The following CACNA2D1 variants were observed in gnomAD, a reference collection of about 807,000 sequenced individuals.
CACNA2D1 encodes the protein calcium voltage-gated channel auxiliary subunit alpha2delta 1.
CACNA2D1 carries 53 observed loss-of-function variants against 171.5 expected under a neutral mutation model. The ratio of observed to expected loss-of-function variants is 0.31; its 90% CI spans 0.25 to 0.39. The LOEUF (loss-of-function observed/expected upper bound fraction) is 0.39. Ranked by LOEUF, CACNA2D1 falls within the 10% of genes least tolerant of loss-of-function variation. The probability of loss-of-function intolerance (pLI) is 1.00; values close to 1 mark genes in which losing one functional copy is unlikely to be tolerated. For synonymous variants in CACNA2D1, 442 were observed against 443.1 expected, an observed-to-expected ratio of 1.00 and a Z score of 0.03; for missense variants, 903 against 1,299.8, an observed-to-expected ratio of 0.69 and a Z score of 4.69.
chr7:82,139,670 GT>G (rs1462356295), intron 4 of CACNA2D1, among the ~76,000 whole-genome samples: 9 of 152,000 alleles, frequency 5.9e-5, no homozygotes, highest in African/African-American at 2.2e-4. Context: ...CAAACGCTGA[GT>G]TTTTAAGTAA....
chr7:82,239,144 G>GA (rs1393277317), intron 3 of CACNA2D1, among the ~76,000 whole-genome samples: 5 of 151,774 alleles, frequency 3.3e-5, no homozygotes, highest in African/African-American at 1.2e-4. Flanking sequence ...ATATCTTTAA[G>GA]AAAAACAGAA....
intron 27 of CACNA2D1, 63 bp from the exon 28 acceptor site, chr7:81,970,047 T>G (rs145421326): frequency 1.0e-6 from 1 of 980,360 alleles, no homozygotes; most frequent in Non-Finnish European, 1.7e-6. Context: ...CTTTATCCTA[T>G]GTGGACTTGC....
chr7:82,055,694 A>T lies in CACNA2D1; in HGVS notation c.879+4734T>A, dbSNP rs1179679023. Among the ~76,000 whole-genome samples the T allele has an allele frequency of 1.1e-4, 16 of 141,232 alleles. No individual in the cohort carries two copies. In the Admixed American group the frequency reaches 1.2e-3, roughly 11 times the overall value. The allele number at this position is 141,232 out of a possible 152,430, so 92.7% of individuals were successfully genotyped here. A position where few individuals can be genotyped will look rare whatever the true frequency, so the allele number is the denominator to read the frequency against. On this transcript the variant is annotated intron_variant, in intron 10 of 38. Coordinates refer to ENST00000356860, the MANE Select transcript of CACNA2D1 (RefSeq NM_000722.4). ...AACCAAACACTGCATGTTCTCACTC[A>T]TAGGTGGGAATTGAACAATGAGAAC...
chr7:82,091,506 G>A (rs984343222), intron 6 of CACNA2D1, among the ~76,000 whole-genome samples: 1 of 152,164 alleles, frequency 6.6e-6, no homozygotes, highest in African/African-American at 2.4e-5. Flanking sequence ...AAATCTGCAC[G>A]CTGTGGAGCA....
At chr7:82,263,992 G>A (rs1044609956) in intron 3 of CACNA2D1, among the ~76,000 whole-genome samples, 7 of 151,726 alleles carry the variant, frequency 4.6e-5, no homozygotes, top group Non-Finnish European at 1.0e-4. Flanking sequence ...TGATTATGTA[G>A]GCCGTCACCG....
At chr7:82,355,630 C>T (rs1820332600) in intron 1 of CACNA2D1, among the ~76,000 whole-genome samples, 1 of 152,038 alleles carries the variant, frequency 6.6e-6, no homozygotes, top group African/African-American at 2.4e-5. Flanking sequence ...TGCTCCACTG[C>T]CCTCTTGAGA....
chr7:82,095,824 A>T (rs1412858897), intron 6 of CACNA2D1, among the ~76,000 whole-genome samples: 2 of 152,178 alleles, frequency 1.3e-5, no homozygotes, highest in African/African-American at 4.8e-5. Flanking sequence ...GTGGATGGGT[A>T]TCATCTGAAT....
intron 37 of CACNA2D1, among the ~76,000 whole-genome samples, 166 bp from the exon 38 acceptor site, chr7:81,959,523 TTATCCTTTTCTGGG>T (rs1489905582): frequency 2.6e-5 from 4 of 152,102 alleles, no homozygotes; most frequent in African/African-American, 9.7e-5. Context: ...AAATTGTGAA[TTATCCTTTTCTGGG>T]GCATGTGTAG....
At chr7:82,289,141 G>T (rs992559562) in intron 3 of CACNA2D1, among the ~76,000 whole-genome samples, 1 of 152,058 alleles carries the variant, frequency 6.6e-6, no homozygotes, top group Admixed American at 6.6e-5. Flanking sequence ...TGTTTATGGT[G>T]AATTGAAAGT....
chr7:82,329,632 G>A (rs1402779283), intron 3 of CACNA2D1, among the ~76,000 whole-genome samples: 1 of 152,104 alleles, frequency 6.6e-6, no homozygotes, highest in Non-Finnish European at 1.5e-5. Flanking sequence ...TGAAATGTAT[G>A]TTCATAATAA....
chr7:82,162,110 A>C (rs973362075), intron 4 of CACNA2D1, among the ~76,000 whole-genome samples: 6 of 152,070 alleles, frequency 3.9e-5, no homozygotes, highest in African/African-American at 9.7e-5. Flanking sequence ...ATTTGATGAC[A>C]TAGAGGTAGT....
At chr7:81,997,298 A>G (rs748645598) in intron 18 of CACNA2D1, 48 bp from the exon 19 acceptor site, 1 of 1,168,208 alleles carries the variant, frequency 8.6e-7, no homozygotes, top group South Asian at 1.2e-5. Flanking sequence ...TTATACAATG[A>G]TGCTGTGTAT....
intron 3 of CACNA2D1, among the ~76,000 whole-genome samples, chr7:82,261,694 C>G (rs1170578875): frequency 6.6e-6 from 1 of 152,016 alleles, no homozygotes; most frequent in Non-Finnish European, 1.5e-5. Context: ...AAAAAATTTT[C>G]ATTCTAAGTG....
At chr7:81,959,441 A>G in intron 37 of CACNA2D1, 84 bp from the exon 38 acceptor site, 1 of 946,664 alleles carries the variant, frequency 1.1e-6, no homozygotes, top group Admixed American at 1.8e-5. Flanking sequence ...TTCCCAAAAC[A>G]TGTGAGAGAG....
At chr7:82,119,079 G>T (rs1333405504) in intron 5 of CACNA2D1, among the ~76,000 whole-genome samples, 2 of 152,002 alleles carry the variant, frequency 1.3e-5, no homozygotes, top group African/African-American at 4.8e-5. Flanking sequence ...TATGAAAAAG[G>T]CTACTTAACA....
chr7:82,275,735 T>G (rs552894312), intron 3 of CACNA2D1, among the ~76,000 whole-genome samples: 229 of 152,180 alleles, frequency 1.5e-3, no homozygotes, highest in Middle Eastern at 3.4e-3. Context: ...ATCAAAACAT[T>G]TATCTTATAA....
chr7:82,437,646 C>T lies in CACNA2D1; in HGVS notation c.95+5719G>A, dbSNP rs544526227. 6.6e-5 allele frequency among the ~76,000 whole-genome samples: 10 copies of T among 152,142 alleles called. No homozygotes were observed. The East Asian group carries it at 1.7e-3, about 26-fold the overall frequency. The stretch of plus-strand genomic sequence containing the variant: ...TTGAAATTAACTATAAAAAGTGTGC[C>T]GGTTTGTTGAGGCCACAAAGTCAAT... On this transcript the variant is annotated intron_variant, in intron 1 of 38. Transcript: ENST00000356860.
intron 3 of CACNA2D1, among the ~76,000 whole-genome samples, chr7:82,252,004 T>C (rs1805705541): frequency 6.6e-6 from 1 of 152,214 alleles, no homozygotes; most frequent in Admixed American, 6.5e-5. Flanking sequence ...AATCTGTGTC[T>C]TTCAAAATAC....
At chr7:82,190,415 C>T (rs1170428516) in intron 3 of CACNA2D1, among the ~76,000 whole-genome samples, 1 of 151,778 alleles carries the variant, frequency 6.6e-6, no homozygotes, top group African/African-American at 2.4e-5. Flanking sequence ...AATAGCAATT[C>T]TTTGCTATCA....
Sources: gnomAD v4.1 joint callset for allele counts (sites outside exome capture counted in the v4.1 genomes callset) on GRCh38, gnomAD v4.1.1 for gene constraint, MANE v1.5 for transcripts, NCBI Gene and HGNC (gene_info 2026-07-23, HGNC 2026-07-21) for gene names.